CCDC144A: variants seen among roughly 807,000 people sequenced by gnomAD.
CCDC144A encodes coiled-coil domain-containing protein 144A.
Under a neutral mutation model 143.8 loss-of-function variants are expected in CCDC144A, and 41 were observed. The ratio of observed to expected loss-of-function variants is 0.29; its 90% CI spans 0.22 to 0.37. CCDC144A has a LOEUF of 0.37. Ranked by LOEUF, CCDC144A falls within the 10% of genes least tolerant of loss-of-function variation. The probability of loss-of-function intolerance (pLI) is 1.00; values close to 1 mark genes in which losing one functional copy is unlikely to be tolerated. For missense variants in CCDC144A, 637 were observed against 1,488.8 expected, an observed-to-expected ratio of 0.43 and a Z score of 9.41; for synonymous variants, 242 against 517.9, an observed-to-expected ratio of 0.47 and a Z score of 7.23.
chr17:16,729,552 C>G (rs945138347), intron 9 of CCDC144A, among the ~76,000 whole-genome samples: 2 of 151,898 alleles, frequency 1.3e-5, no homozygotes, highest in Non-Finnish European at 2.9e-5. Context: ...TGTGCAGAAG[C>G]CTTTTCTTTT....
At chr17:16,711,159 C>CAAAAAAAAAAAAAAAAAAAAAAAAA in intron 5 of CCDC144A, among the ~76,000 whole-genome samples, 1 of 79,408 alleles carries the variant, frequency 1.3e-5, no homozygotes, top group South Asian at 4.5e-4. Flanking sequence ...AAAAAAAAAA[C>CAAAAAAAAAAAAAAAAAAAAAAAAA]AAAAGTTAGT....
intron 15 of CCDC144A, among the ~76,000 whole-genome samples, chr17:16,770,033 G>A (rs1173315685): frequency 6.6e-6 from 1 of 150,408 alleles, no homozygotes. Context: ...TCACCATATT[G>A]TCCAGGCTGG....
the CCDC144A span, among the ~76,000 whole-genome samples, chr17:16,667,972 T>C: frequency 2.0e-5 from 3 of 149,590 alleles, no homozygotes; most frequent in Non-Finnish European, 4.5e-5. Flanking sequence ...GTTGTTTGTT[T>C]CGCAAAATCA....
rs776760724 is a variant in CCDC144A, at chr17:16,690,465, C to T, written c.65C>T (p.Ala22Val). Residue 22 changes from alanine (A) to valine (V), a missense_variant, in exon 1 of 17, where the codon GCC becomes GTC. Ala to Val is a moderately conservative substitution (Grantham distance 64). Coordinates refer to ENST00000399273, the MANE Select transcript of CCDC144A (RefSeq NM_001382000.1). ...AEGSPKPAVY[A>V]TRKTPSVGSQ... ...GGGTCTCCGAAGCCGGCAGTCTACG[C>T]CACGAGGAAGACCCCTAGCGTCGGG... is the stretch of plus-strand genomic sequence containing the variant. The T allele has an allele frequency of 6.8e-6, 11 of 1,612,586 alleles. No homozygotes were observed. The South Asian group carries it at 1.1e-4, about 16-fold the overall frequency.
upstream of CCDC144A, among the ~76,000 whole-genome samples, chr17:16,689,198 T>C (rs1910902518): frequency 6.6e-6 from 1 of 152,110 alleles, no homozygotes; most frequent in African/African-American, 2.4e-5. Context: ...TCCTTCCTTC[T>C]TTTCTTTCTT....
chr17:16,759,286 A>G (rs1301118726), intron 12 of CCDC144A, among the ~76,000 whole-genome samples: 4 of 152,268 alleles, frequency 2.6e-5, no homozygotes, highest in African/African-American at 9.6e-5. Context: ...ATTTCCATTT[A>G]CAGTGACTTT....
intron 12 of CCDC144A, among the ~76,000 whole-genome samples, chr17:16,747,567 T>G (rs566835881): frequency 2.0e-5 from 3 of 152,220 alleles, no homozygotes; most frequent in South Asian, 4.1e-4. Context: ...GTTTTGCCAT[T>G]TTTTTGGTGT....
At chr17:16,707,911 A>C (rs1288492163) in intron 4 of CCDC144A, among the ~76,000 whole-genome samples, 10 of 152,190 alleles carry the variant, frequency 6.6e-5, no homozygotes, top group Admixed American at 6.5e-5. Flanking sequence ...GATTCATGGT[A>C]TAAGAGTAAT....
chr17:16,678,689 T>C, the CCDC144A span, among the ~76,000 whole-genome samples: 1 of 149,144 alleles, frequency 6.7e-6, no homozygotes, highest in Admixed American at 6.7e-5. Flanking sequence ...GTGGCAATCG[T>C]GCCATCTCAG....
rs578183094 is a variant in CCDC144A, at chr17:16,776,352, T to G, written c.*2719T>G. On this transcript the variant is annotated 3_prime_UTR_variant, in exon 17 of 17. Coordinates refer to ENST00000399273, the MANE Select transcript of CCDC144A (RefSeq NM_001382000.1). The stretch of plus-strand genomic sequence containing the variant: ...TGTCTGTGAGCATATGTTTTTCCAT[T>G]TGTTTGTGTCATCTCTGATTTCTTT... 1 of 152,330 alleles carries G rather than the reference T, an allele frequency of 6.6e-6. No individual in the cohort carries two copies. The highest frequency in any genetic ancestry group is 6.5e-5 in the Admixed American group (1 of 15,302). The allele number at this position is 152,330 out of a possible 1,614,324, so 9.4% of individuals were successfully genotyped here.
chr17:16,674,225 G>T, the CCDC144A span, among the ~76,000 whole-genome samples: 1 of 151,814 alleles, frequency 6.6e-6, no homozygotes, highest in Non-Finnish European at 1.5e-5. Context: ...ACCAGCCTAG[G>T]CAACATGGTG....
intron 6 of CCDC144A, among the ~76,000 whole-genome samples, chr17:16,717,242 A>G (rs1259052053): frequency 6.7e-6 from 1 of 150,356 alleles, no homozygotes; most frequent in Non-Finnish European, 1.5e-5. Flanking sequence ...AGCCTCCCGA[A>G]TAGCTGGGAC....
the CCDC144A span, among the ~76,000 whole-genome samples, chr17:16,680,454 T>G: frequency 1.4e-3 from 217 of 151,902 alleles, no homozygotes; most frequent in African/African-American, 5.1e-3. Flanking sequence ...ATTTGGTTGA[T>G]GTAAGATAGA....
At chr17:16,715,922 G>A (rs1251617615) in intron 6 of CCDC144A, among the ~76,000 whole-genome samples, 4 of 152,212 alleles carry the variant, frequency 2.6e-5, no homozygotes, top group East Asian at 1.9e-4. Context: ...AGTGGCGCAC[G>A]TTGATATTGG....
chr17:16,746,272 T>A, intron 12 of CCDC144A: 1 of 565,586 alleles, frequency 1.8e-6, no homozygotes, highest in Non-Finnish European at 2.3e-6. Flanking sequence ...TCTCTCTCTC[T>A]TTTTTTTTTT....
In CCDC144A at chr17:16,762,462, A is replaced by C. The variant is rs147053829; in HGVS notation, c.3816A>C (p.Glu1272Asp). Residue 1272 changes from glutamate (E) to aspartate (D), a missense_variant, in exon 14 of 17, where the codon GAA becomes GAC. Transcript: ENST00000399273. The stretch of plus-strand genomic sequence containing the variant: ...CGCAAGCCGACTTTAATAAAACCGA[A>C]TTGGAAAGATATAAGGAACTCTACC... ...KTSQADFNKT[E>D]LERYKELYLE... 593 of 1,592,658 alleles carry C rather than the reference A, an allele frequency of 3.7e-4. 2 individuals carry two copies. In the East Asian group the frequency reaches 0.012, roughly 32 times the overall value.
At chr17:16,691,027 A>T (rs998568237) in intron 1 of CCDC144A, among the ~76,000 whole-genome samples, 1 of 152,202 alleles carries the variant, frequency 6.6e-6, no homozygotes, top group Non-Finnish European at 1.5e-5. Flanking sequence ...GACATATTCT[A>T]CTGTCGCTCA....
At chr17:16,773,441 C>T (rs1025705286) in intron 16 of CCDC144A, 56 bp from the exon 17 acceptor site, 291 of 1,511,734 alleles carry the variant, frequency 1.9e-4, no homozygotes, top group Non-Finnish European at 2.4e-4. Context: ...GAGTGAGACC[C>T]TATCTTAAAA....
rs1268672451 is a variant in CCDC144A, at chr17:16,777,838, GCAGAAGAAAAGAAATAACAAAAT to G, written c.*4211_*4233del. On this transcript the variant is annotated 3_prime_UTR_variant, in exon 17 of 17. Transcript: ENST00000399273. ...CTAGAACAGTCCAAATCCAAACCCAGCAGAAGAAAAGAAATAACAAAATCAGAACAAAACTAAATGAAATTGAA... is the reference window on the plus strand; with the variant it reads ...CTAGAACAGTCCAAATCCAAACCCAGCAGAACAAAACTAAATGAAATTGAA... The G allele has an allele frequency of 1.4e-5, 2 of 142,944 alleles. No homozygotes were observed. The highest frequency in any genetic ancestry group is 3.0e-5 in the Non-Finnish European group (2 of 67,452). 8.9% of individuals were successfully genotyped at this position (142,944 alleles called of 1,614,324 possible).
Sources: gnomAD v4.1 joint callset for allele counts (sites outside exome capture counted in the v4.1 genomes callset) on GRCh38, gnomAD v4.1.1 for gene constraint, MANE v1.5 for transcripts, NCBI Gene and HGNC (gene_info 2026-07-23, HGNC 2026-07-21) for gene names.